The following ELFN2 variants were observed in gnomAD, a reference collection of about 807,000 sequenced individuals.
The protein encoded by ELFN2 is protein phosphatase 1 regulatory subunit 29.
ELFN2 carries 17 observed loss-of-function variants against 45.5 expected under a neutral mutation model. The ratio of observed to expected loss-of-function variants is 0.37; its 90% confidence interval spans 0.26 to 0.56. The LOEUF (loss-of-function observed/expected upper bound fraction) is 0.56. Among genes scored for constraint, ELFN2 ranks in the 20% least tolerant of loss-of-function variants. ELFN2 has a pLI of 0.77. For missense variants in ELFN2, 922 were observed against 1,183.2 expected (o/e 0.78, Z 3.24); for synonymous variants, 550 against 551.5 (o/e 1.00, Z 0.04).
Position 37,375,743 on chromosome 22 carries a change from G to T in ELFN2, c.-209C>A. On this transcript the variant is annotated 5_prime_UTR_variant, in exon 3 of 3. Coordinates refer to ENST00000402918, the MANE Select transcript of ELFN2 (RefSeq NM_052906.5). ...CAGGCACTAGGCCTGGCTAGGGCTGGGGGTGGGGGCCCCACAGCCTGCTCC... is the reference window on the plus strand; with the variant it reads ...CAGGCACTAGGCCTGGCTAGGGCTGTGGGTGGGGGCCCCACAGCCTGCTCC... The T allele has an allele frequency of 1.6e-6, 1 of 628,146 alleles. No homozygotes were observed. Among genetic ancestry groups the T allele is most frequent in the South Asian group, 2.1e-5 (1 of 46,996 alleles). 38.9% of individuals were successfully genotyped at this position (628,146 alleles called of 1,614,324 possible).
rs145019314 is a variant in ELFN2 at position 37,374,860 on chromosome 22, C to T, written c.675G>A (p.Pro225=). ...CESPREFAGY[P]LLVPRPYHSL... Reference sequence around the variant, plus strand: ...TGTGGTAGGGCCGGGGCACCAGCAGCGGGTAGCCGGCAAACTCCCGCGGCG... The same window carrying T: ...TGTGGTAGGGCCGGGGCACCAGCAGTGGGTAGCCGGCAAACTCCCGCGGCG... The change falls in exon 3 of 3, where the codon CCG becomes CCA. Residue 225 remains proline, a synonymous_variant. Transcript: ENST00000402918. The T allele has an allele frequency of 5.3e-4, 851 of 1,608,274 alleles. 2 individuals carry two copies. The highest frequency in any genetic ancestry group is 3.3e-4 in the Non-Finnish European group (392 of 1,179,782).
chr22:37,388,041 T>C (rs1318312557), intron 2 of ELFN2, among the ~76,000 whole-genome samples: 1 of 151,344 alleles, frequency 6.6e-6, no homozygotes, highest in African/African-American at 2.4e-5. Flanking sequence ...CCCGCCTTGG[T>C]GCCGCCGCCT....
intron 2 of ELFN2, chr22:37,385,375 C>T (rs1466215512): frequency 6.6e-6 from 1 of 152,270 alleles, no homozygotes; most frequent in Non-Finnish European, 1.5e-5. Flanking sequence ...TCAAGAGCTG[C>T]TGTGGGATCC....
intron 1 of ELFN2, among the ~76,000 whole-genome samples, chr22:37,346,032 C>T (rs1231703639): frequency 2.0e-5 from 3 of 152,210 alleles, no homozygotes; most frequent in South Asian, 2.1e-4. Context: ...AAAACGCTCA[C>T]TAACCTCTCT....
intron 1 of ELFN2, among the ~76,000 whole-genome samples, chr22:37,419,937 G>GT (rs1227975940): frequency 1.3e-5 from 2 of 152,232 alleles, no homozygotes; most frequent in East Asian, 3.9e-4. Flanking sequence ...GCCCCTGCCG[G>GT]TCGCTTTCCG....
chr22:37,416,541 G>A lies in ELFN2; in HGVS notation c.-463+1228C>T, dbSNP rs139837591. ...TGAGATCAGAGGCCCTGGGGAGCGA[G>A]AGGGCTCAAGGAGGCAGAGGTGGGA... On this transcript the variant is annotated intron_variant, in intron 2 of 2. Transcript: ENST00000402918. Among the ~76,000 whole-genome samples, 289 of 152,300 alleles carry A rather than the reference G, an allele frequency of 1.9e-3. 1 individual carries two copies. The highest frequency in any genetic ancestry group is 6.8e-3 in the Middle Eastern group (2 of 292).
intron 2 of ELFN2, chr22:37,384,932 A>G (rs1347141305): frequency 6.6e-6 from 1 of 151,956 alleles, no homozygotes; most frequent in Non-Finnish European, 1.5e-5. Context: ...CATTCATTCA[A>G]TAAACATTTA....
chr22:37,411,787 AT>A (rs2145682301), intron 2 of ELFN2, among the ~76,000 whole-genome samples: 1 of 151,984 alleles, frequency 6.6e-6, no homozygotes, highest in South Asian at 2.1e-4. Context: ...CTCCAATCCT[AT>A]TTCACTCCAT....
intron 2 of ELFN2, among the ~76,000 whole-genome samples, chr22:37,396,474 G>A (rs945903575): frequency 6.6e-5 from 10 of 152,164 alleles, no homozygotes; most frequent in East Asian, 1.9e-4. Flanking sequence ...ATCCCCCAGC[G>A]GGCACACCTT....
At chr22:37,382,041 GATGGGGCACAAA>G (rs1264899454) in intron 2 of ELFN2, among the ~76,000 whole-genome samples, 1 of 147,320 alleles carries the variant, frequency 6.8e-6, no homozygotes, top group Non-Finnish European at 1.5e-5. Flanking sequence ...GGGTGCTCAT[GATGGGGCACAAA>G]ATGTGCCGAG....
downstream of ELFN2, among the ~76,000 whole-genome samples, chr22:37,366,580 T>C (rs551234375): frequency 2.0e-5 from 3 of 152,320 alleles, no homozygotes; most frequent in East Asian, 1.9e-4. Flanking sequence ...GAGCAGGGGC[T>C]CCTGGAGCCC....
chr22:37,388,430 T>C (rs1932009658), intron 2 of ELFN2, among the ~76,000 whole-genome samples: 1 of 152,146 alleles, frequency 6.6e-6, no homozygotes, highest in Admixed American at 6.5e-5. Context: ...GCTCAATAAA[T>C]ATTTGTTCAT....
At chr22:37,363,721 G>T (rs973643973), downstream of ELFN2, among the ~76,000 whole-genome samples, 5 of 152,192 alleles carry the variant, frequency 3.3e-5, no homozygotes, top group Non-Finnish European at 7.4e-5. Context: ...AAACCCTCCA[G>T]GCAGGAGTGG....
chr22:37,366,948 A>C (rs1166189910), downstream of ELFN2, among the ~76,000 whole-genome samples: 1 of 152,174 alleles, frequency 6.6e-6, no homozygotes, highest in Non-Finnish European at 1.5e-5. Context: ...CCAACTCTTA[A>C]TGGAGGCAGG....
At chr22:37,424,865 T>C (rs1312011646) in intron 1 of ELFN2, among the ~76,000 whole-genome samples, 2 of 152,070 alleles carry the variant, frequency 1.3e-5, no homozygotes, top group Non-Finnish European at 2.9e-5. Context: ...GGAAAGCAGC[T>C]ACTCTGGGCT....
At position 37,417,196 on chromosome 22, in the gene ELFN2, T is replaced by G. The variant is rs924591547; in HGVS notation, c.-463+573A>C. ...CGGAGCAGCTCCTTCTGCCTGCCTG[T>G]CTGCCTGTTTGCGGCCTCCTAGTGC... On this transcript the variant is annotated intron_variant, in intron 2 of 2. Transcript: ENST00000402918. The surrounding 1 kb of genome is among the most constrained non-coding windows in gnomAD (Gnocchi z 4.5). Among the ~76,000 whole-genome samples, 1 of 152,188 alleles carries G rather than the reference T, an allele frequency of 6.6e-6. No homozygotes were observed. The highest frequency in any genetic ancestry group is 2.4e-5 in the African/African-American group (1 of 41,436).
intron 1 of ELFN2, among the ~76,000 whole-genome samples, chr22:37,362,846 T>C (rs1358384757): frequency 6.6e-6 from 1 of 152,206 alleles, no homozygotes; most frequent in Non-Finnish European, 1.5e-5. Context: ...GCAGGACAGA[T>C]GTTTGGGCTC....
chr22:37,354,134 A>G (rs559568496), intron 1 of ELFN2: 1 of 152,372 alleles, frequency 6.6e-6, no homozygotes, highest in South Asian at 2.1e-4. Context: ...GAAAGACGCC[A>G]GTCTCAAGCG....
At chr22:37,419,087 CAT>C (rs1243874766) in intron 1 of ELFN2, 1 of 152,090 alleles carries the variant, frequency 6.6e-6, no homozygotes, top group African/African-American at 2.4e-5. Flanking sequence ...CATTCACAAA[CAT>C]ATGTAGACCC....
Sources: allele counts gnomAD v4.1 joint callset (sites outside exome capture counted in the v4.1 genomes callset), GRCh38; gene constraint gnomAD v4.1.1; non-coding constraint Gnocchi (gnomAD v3.1); transcripts MANE v1.5; gene names NCBI Gene and HGNC (gene_info 2026-07-23, HGNC 2026-07-21).